VTI1A: variants seen among roughly 807,000 people sequenced by gnomAD.
VTI1A encodes vesicle transport through interaction with t-SNAREs 1A.
VTI1A carries 22 observed loss-of-function variants against 34.9 expected under a neutral mutation model. The ratio of observed to expected loss-of-function variants is 0.63; its 90% CI spans 0.45 to 0.90. The LOEUF (loss-of-function observed/expected upper bound fraction) is 0.90, where lower values mean the gene tolerates loss of function less well. VTI1A is among the 40% of genes least tolerant of loss of function. The pLI, the probability that VTI1A is intolerant of heterozygous loss-of-function variation, is 0.00. For synonymous variants in VTI1A, 87 were observed against 97.3 expected (o/e 0.89, Z 0.62); for missense variants, 268 against 275.6 (o/e 0.97, Z 0.20).
intron 5 of VTI1A, among the ~76,000 whole-genome samples, chr10:112,602,314 T>C (rs914326418): frequency 6.6e-6 from 1 of 152,210 alleles, no homozygotes; most frequent in Non-Finnish European, 1.5e-5. Flanking sequence ...ATCAAATCTT[T>C]TGCTTAGGCA....
At chr10:112,699,928 G>A (rs145515493) in intron 7 of VTI1A, among the ~76,000 whole-genome samples, 4 of 151,680 alleles carry the variant, frequency 2.6e-5, no homozygotes, top group Non-Finnish European at 5.9e-5. Flanking sequence ...AGACCAGCCT[G>A]GCCAAGATGG....
chr10:112,486,397 C>G (rs934776229), intron 3 of VTI1A, among the ~76,000 whole-genome samples: 3 of 152,046 alleles, frequency 2.0e-5, no homozygotes, highest in African/African-American at 7.2e-5. Flanking sequence ...TGAAATAATA[C>G]ATCATGAAAA....
chr10:112,720,388 A>G (rs1849760012), intron 7 of VTI1A, among the ~76,000 whole-genome samples: 1 of 152,084 alleles, frequency 6.6e-6, no homozygotes, highest in Admixed American at 6.5e-5. Flanking sequence ...TGCATCTTTT[A>G]TATTATAGTT....
intron 7 of VTI1A, among the ~76,000 whole-genome samples, chr10:112,701,495 C>T (rs955204603): frequency 6.6e-6 from 1 of 152,142 alleles, no homozygotes; most frequent in Admixed American, 6.5e-5. Flanking sequence ...GTGTTGGTTT[C>T]TTTGTATTTT....
chr10:112,477,382 A>G (rs1848309904), intron 3 of VTI1A, among the ~76,000 whole-genome samples: 2 of 152,192 alleles, frequency 1.3e-5, no homozygotes, highest in African/African-American at 4.8e-5. Context: ...TCCTCAGTGC[A>G]TTTTATTAGT....
chr10:112,762,374 G>C (rs976201405), intron 7 of VTI1A, among the ~76,000 whole-genome samples: 3 of 152,166 alleles, frequency 2.0e-5, no homozygotes, highest in African/African-American at 7.2e-5. Flanking sequence ...TGAATGGAAA[G>C]CAGGTAGTAA....
intron 5 of VTI1A, among the ~76,000 whole-genome samples, chr10:112,586,462 TTTCC>T: frequency 6.6e-6 from 1 of 152,156 alleles, no homozygotes; most frequent in Non-Finnish European, 1.5e-5. Context: ...AGAGAACCTT[TTTCC>T]TTAGTTTTCC....
In VTI1A at chr10:112,761,456, C is replaced by T. The variant is rs140785125; in HGVS notation, c.561-53834C>T. On this transcript the variant is annotated intron_variant, in intron 7 of 7. Coordinates refer to ENST00000393077, the MANE Select transcript of VTI1A (RefSeq NM_145206.4). ...TGGTGGTTTGAGGGGAGGAAAAAGC[C>T]TTGTTTGCTTGATTGAGTTATGATT... is the stretch of plus-strand genomic sequence containing the variant. Among the ~76,000 whole-genome samples, 1,339 of 152,226 alleles carry T rather than the reference C, an allele frequency of 8.8e-3. 16 individuals carry two copies. The highest frequency in any genetic ancestry group is 0.031 in the East Asian group (158 of 5,180).
At chr10:112,759,729 T>C (rs913417514) in intron 7 of VTI1A, among the ~76,000 whole-genome samples, 4 of 152,130 alleles carry the variant, frequency 2.6e-5, no homozygotes, top group Admixed American at 2.0e-4. Flanking sequence ...GCTTTTCTCC[T>C]CCCACGGAAG....
intron 7 of VTI1A, among the ~76,000 whole-genome samples, chr10:112,687,988 C>G (rs910783448): frequency 7.3e-6 from 1 of 136,506 alleles, no homozygotes; most frequent in Non-Finnish European, 1.5e-5. Flanking sequence ...GGGTCTTGCT[C>G]TGTCACCCAG....
intron 5 of VTI1A, among the ~76,000 whole-genome samples, chr10:112,587,159 A>C (rs1044668244): frequency 2.0e-5 from 3 of 152,172 alleles, no homozygotes; most frequent in Non-Finnish European, 2.9e-5. Context: ...AATTAAATAA[A>C]ATTTGTGGGA....
intron 7 of VTI1A, among the ~76,000 whole-genome samples, chr10:112,678,833 A>T (rs1237841082): frequency 6.6e-6 from 1 of 152,234 alleles, no homozygotes; most frequent in Admixed American, 6.5e-5. Flanking sequence ...GGCAAGGCTT[A>T]TCTGCACAAA....
chr10:112,784,190 A>T (rs1852217359), intron 7 of VTI1A, among the ~76,000 whole-genome samples: 1 of 152,230 alleles, frequency 6.6e-6, no homozygotes, highest in Non-Finnish European at 1.5e-5. Flanking sequence ...TAACGTGATT[A>T]ATAGCAGATT....
intron 5 of VTI1A, among the ~76,000 whole-genome samples, chr10:112,635,404 G>A (rs1304325158): frequency 2.6e-5 from 4 of 152,174 alleles, no homozygotes; most frequent in African/African-American, 7.2e-5. Context: ...AAGGGTCAAA[G>A]CTCAGAGGTG....
chr10:112,842,051 C>CTTTTTTTTTTTTTTTTTT, the VTI1A span, among the ~76,000 whole-genome samples: 28 of 66,640 alleles, frequency 4.2e-4, no homozygotes, highest in Non-Finnish European at 5.4e-4. Context: ...TTTTTTTTTC[C>CTTTTTTTTTTTTTTTTTT]TTTTTTTTTT....
intron 3 of VTI1A, among the ~76,000 whole-genome samples, chr10:112,466,629 CAATATAAATG>C (rs1847902912): frequency 6.6e-6 from 1 of 152,052 alleles, no homozygotes; most frequent in African/African-American, 2.4e-5. Flanking sequence ...GTTAAAGTTT[CAATATAAATG>C]ATGAAAGCAA....
At chr10:112,701,518 C>T (rs988347861) in intron 7 of VTI1A, among the ~76,000 whole-genome samples, 2 of 152,164 alleles carry the variant, frequency 1.3e-5, no homozygotes, top group African/African-American at 4.8e-5. Context: ...CTGCATTTCC[C>T]TATGTTGAGG....
chr10:112,454,929 T>G (rs1847380683), intron 1 of VTI1A, among the ~76,000 whole-genome samples: 2 of 151,960 alleles, frequency 1.3e-5, no homozygotes, highest in South Asian at 4.2e-4. Flanking sequence ...CTCAAAAAGG[T>G]TGTTTTAAGG....
the VTI1A span, chr10:112,832,238 C>G: frequency 6.6e-6 from 1 of 152,156 alleles, no homozygotes; most frequent in Non-Finnish European, 1.5e-5. Context: ...CAAAGCCTTG[C>G]ACGCTGGTAG....
Sources: allele counts gnomAD v4.1 joint callset (sites outside exome capture counted in the v4.1 genomes callset), GRCh38; gene constraint gnomAD v4.1.1; transcripts MANE v1.5; gene names NCBI Gene and HGNC (gene_info 2026-07-23, HGNC 2026-07-21).